The following DLG1 variants were observed in gnomAD, a reference collection of about 807,000 sequenced individuals.
The protein encoded by DLG1 is disks large homolog 1.
Under a neutral mutation model 123.4 loss-of-function variants are expected in DLG1, and 42 were observed. That is an observed-to-expected ratio of 0.34 (90% confidence interval 0.27 to 0.44). The LOEUF (loss-of-function observed/expected upper bound fraction) is 0.44. Ranked by LOEUF, DLG1 falls within the 20% of genes least tolerant of loss-of-function variation. DLG1 has a pLI of 1.00. For missense variants in DLG1, 942 were observed against 1,082.6 expected (o/e 0.87, Z 1.82); for synonymous variants, 317 against 356.2 (o/e 0.89, Z 1.24).
intron 13 of DLG1, 126 bp from the exon 14 acceptor site, chr3:197,105,131 T>C (rs920960685): frequency 1.8e-6 from 1 of 565,056 alleles, no homozygotes; most frequent in African/African-American, 2.0e-5. Flanking sequence ...CTAAAATGTT[T>C]CTTGTTCTGA....
intron 17 of DLG1, among the ~76,000 whole-genome samples, chr3:197,077,481 T>A (rs1273730750): frequency 6.6e-6 from 1 of 152,136 alleles, no homozygotes; most frequent in Non-Finnish European, 1.5e-5. Flanking sequence ...TATTTATTCT[T>A]AAGTTCTACT....
intron 14 of DLG1, among the ~76,000 whole-genome samples, chr3:197,101,009 A>G (rs1763144203): frequency 6.6e-6 from 1 of 152,154 alleles, no homozygotes; most frequent in African/African-American, 2.4e-5. Flanking sequence ...TTAGGTGTAC[A>G]AGCTTTTAAC....
chr3:197,153,212 G>A (rs1794804077), intron 5 of DLG1, among the ~76,000 whole-genome samples: 1 of 152,182 alleles, frequency 6.6e-6, no homozygotes, highest in Non-Finnish European at 1.5e-5. Flanking sequence ...ATCACTGCAG[G>A]TTAAAATGAT....
At chr3:197,101,867 C>T (rs1216976191) in intron 14 of DLG1, among the ~76,000 whole-genome samples, 3 of 152,068 alleles carry the variant, frequency 2.0e-5, no homozygotes, top group Non-Finnish European at 4.4e-5. Context: ...TCATAGCAAT[C>T]CTGCCTTGGC....
At chr3:197,235,682 A>T (rs978964019) in intron 4 of DLG1, among the ~76,000 whole-genome samples, 1 of 152,234 alleles carries the variant, frequency 6.6e-6, no homozygotes, top group African/African-American at 2.4e-5. Flanking sequence ...AAACAACAGT[A>T]TTTTCCAGAG....
chr3:197,223,207 G>A (rs1413284769), intron 4 of DLG1, among the ~76,000 whole-genome samples: 2 of 151,986 alleles, frequency 1.3e-5, no homozygotes, highest in East Asian at 1.9e-4. Flanking sequence ...GAGTTCTAAC[G>A]CGAGACATGA....
chr3:197,079,892 C>G (rs1181929876), intron 17 of DLG1, among the ~76,000 whole-genome samples: 1 of 151,998 alleles, frequency 6.6e-6, no homozygotes, highest in African/African-American at 2.4e-5. Context: ...AGCTTTAAGT[C>G]TGAGTGCTTA....
intron 4 of DLG1, among the ~76,000 whole-genome samples, chr3:197,241,571 A>G (rs1467839947): frequency 6.6e-6 from 1 of 152,218 alleles, no homozygotes; most frequent in Non-Finnish European, 1.5e-5. Flanking sequence ...CTCTAGTATT[A>G]TATAAAGCCC....
intron 5 of DLG1, among the ~76,000 whole-genome samples, chr3:197,179,851 A>AC (rs1439049537): frequency 6.6e-6 from 1 of 151,982 alleles, no homozygotes; most frequent in Admixed American, 6.6e-5. Flanking sequence ...TAGCCTAAAT[A>AC]TTTTTCCACA....
intron 2 of DLG1, chr3:197,296,953 T>TGGGG (rs57644562): frequency 3.8e-3 from 1,907 of 503,892 alleles, no homozygotes; most frequent in East Asian, 0.018. Context: ...GGACATCTGT[T>TGGGG]GGGGGGGGGC....
chr3:197,121,806 A>G (rs1441504065), intron 11 of DLG1, among the ~76,000 whole-genome samples: 2 of 133,902 alleles, frequency 1.5e-5, no homozygotes, highest in African/African-American at 2.7e-5. Context: ...CCCTCCATCA[A>G]TGCTTGACAA....
At chr3:197,062,703 G>A (rs938595699) in intron 22 of DLG1, among the ~76,000 whole-genome samples, 1 of 151,992 alleles carries the variant, frequency 6.6e-6, no homozygotes. Context: ...TTTAATTAAC[G>A]AATTATATTT....
intron 4 of DLG1, among the ~76,000 whole-genome samples, chr3:197,209,650 T>C (rs1345644662): frequency 6.8e-6 from 1 of 146,682 alleles, no homozygotes; most frequent in Non-Finnish European, 1.5e-5. Flanking sequence ...TTAAAAGGAT[T>C]GAAATCACAA....
chr3:197,051,015 C>T (rs1406777995), intron 24 of DLG1, among the ~76,000 whole-genome samples: 1 of 152,066 alleles, frequency 6.6e-6, no homozygotes, highest in Non-Finnish European at 1.5e-5. Flanking sequence ...ATCTATTTTT[C>T]TCTGGTCAAG....
At chr3:197,123,029 T>C (rs1181106525) in intron 11 of DLG1, among the ~76,000 whole-genome samples, 2 of 152,228 alleles carry the variant, frequency 1.3e-5, no homozygotes, top group Admixed American at 6.5e-5. Flanking sequence ...CATATATATG[T>C]GGTCACTTAA....
rs1171967518 is a variant in DLG1, at chr3:197,065,500, A to G, written c.2201-52T>C. 3 of 1,439,344 alleles carry G rather than the reference A, an allele frequency of 2.1e-6. No homozygotes were observed. In the East Asian group the frequency reaches 6.8e-5, roughly 33 times the overall value. 89.2% of individuals were successfully genotyped at this position (1,439,344 alleles called of 1,614,324 possible). On this transcript the variant is annotated intron_variant, in intron 21 of 24. Coordinates refer to ENST00000667157, the MANE Select transcript of DLG1 (RefSeq NM_001366207.1). ...TGTTTAATATTAAAAAAAAAACCAC[A>G]ATAAATCCATTTTCTACTTACATCG...
chr3:197,195,037 ATCTC>A (rs77257107), intron 4 of DLG1, among the ~76,000 whole-genome samples: 21,002 of 150,440 alleles, frequency 0.14, 1,767 homozygotes, highest in South Asian at 0.35. Context: ...TTTAACTATA[ATCTC>A]TCTCTCTCTC....
chr3:197,248,239 G>C (rs541782831), intron 4 of DLG1, among the ~76,000 whole-genome samples: 1 of 152,118 alleles, frequency 6.6e-6, no homozygotes, highest in Non-Finnish European at 1.5e-5. Context: ...CGACCACCAA[G>C]GAAATACTTC....
intron 3 of DLG1, among the ~76,000 whole-genome samples, chr3:197,293,110 A>G (rs1775727917): frequency 6.6e-6 from 1 of 152,250 alleles, no homozygotes; most frequent in South Asian, 2.1e-4. Context: ...ACTGGAATAC[A>G]AAAGCAAGTT....
Sources: gnomAD v4.1 joint callset for allele counts (sites outside exome capture counted in the v4.1 genomes callset) on GRCh38, gnomAD v4.1.1 for gene constraint, MANE v1.5 for transcripts, NCBI Gene and HGNC (gene_info 2026-07-23, HGNC 2026-07-21) for gene names.